Variants in SLCO1A2 observed in about 807,000 individuals in gnomAD.
The protein encoded by SLCO1A2 is solute carrier organic anion transporter family member 1A2.
Under a neutral mutation model 69.0 loss-of-function variants are expected in SLCO1A2, and 67 were observed. The observed-to-expected ratio is 0.97, with a 90% confidence interval of 0.80 to 1.19. SLCO1A2 has a LOEUF of 1.19. SLCO1A2 is among the 50% of genes most tolerant of loss of function. The probability of loss-of-function intolerance (pLI) is 0.00; values close to 1 mark genes in which losing one functional copy is unlikely to be tolerated. For synonymous variants in SLCO1A2, 260 were observed against 265.9 expected (o/e 0.98, Z 0.22); for missense variants, 787 against 793.7 (o/e 0.99, Z 0.10).
intron 12 of SLCO1A2, among the ~76,000 whole-genome samples, chr12:21,281,968 G>A (rs1029049350): frequency 4.2e-4 from 64 of 152,046 alleles, no homozygotes; most frequent in Admixed American, 3.9e-3. Flanking sequence ...TGACCCAATG[G>A]CTTCACTGCC....
intron 1 of SLCO1A2, among the ~76,000 whole-genome samples, chr12:21,382,561 G>A (rs1273099573): frequency 6.6e-6 from 1 of 152,120 alleles, no homozygotes; most frequent in Non-Finnish European, 1.5e-5. Context: ...ACTTTGGGAG[G>A]CCGAGGTGGG....
chr12:21,320,357 CTA>C (rs895554391), intron 2 of SLCO1A2, among the ~76,000 whole-genome samples: 24 of 152,260 alleles, frequency 1.6e-4, no homozygotes, highest in African/African-American at 2.9e-4. Flanking sequence ...TCTAATTTGC[CTA>C]TGTCTTTAGA....
Position 21,378,537 on chromosome 12 carries a change from T to C in SLCO1A2, c.-189-4012A>G, listed in dbSNP as rs1349813141. ...ATATATGGTCTGTGTGTCTGATGTTTGTTGCTAGGACATATACCTTCTCAA... is the reference window on the plus strand; with the variant it reads ...ATATATGGTCTGTGTGTCTGATGTTCGTTGCTAGGACATATACCTTCTCAA... On this transcript the variant is annotated intron_variant, in intron 1 of 15. Transcript: ENST00000307378. 1.4e-5 allele frequency: 13 copies of C among 908,680 alleles called. No individual in the cohort carries two copies. The Admixed American group carries it at 1.7e-4, about 12-fold the overall frequency. The allele number at this position is 908,680 out of a possible 1,614,324, so 56.3% of individuals were successfully genotyped here. A position where few individuals can be genotyped will look rare whatever the true frequency, so the allele number is the denominator to read the frequency against.
At chr12:21,402,772 A>G (rs1941747941) in intron 1 of SLCO1A2, among the ~76,000 whole-genome samples, 1 of 152,132 alleles carries the variant, frequency 6.6e-6, no homozygotes, top group African/African-American at 2.4e-5. Context: ...GTGGGGGAGC[A>G]TATGTGTATA....
chr12:21,290,138 TAAG>T (rs917770125), intron 12 of SLCO1A2, among the ~76,000 whole-genome samples: 2 of 151,950 alleles, frequency 1.3e-5, no homozygotes, highest in East Asian at 1.9e-4. Flanking sequence ...ATATAGTACT[TAAG>T]AAGCAATCTA....
At chr12:21,301,008 A>C (rs1309595419) in intron 7 of SLCO1A2, among the ~76,000 whole-genome samples, 163 bp downstream of exon 7, 4 of 152,194 alleles carry the variant, frequency 2.6e-5, no homozygotes, top group African/African-American at 9.6e-5. Context: ...CTGGTTTGGA[A>C]TATTTTAAAA....
At chr12:21,391,770 C>T (rs1941168124) in intron 1 of SLCO1A2, among the ~76,000 whole-genome samples, 1 of 151,796 alleles carries the variant, frequency 6.6e-6, no homozygotes, top group Admixed American at 6.6e-5. Flanking sequence ...ACCCTCTGGT[C>T]ACTTTTAGTT....
chr12:21,288,509 G>A (rs1946324344), intron 12 of SLCO1A2, among the ~76,000 whole-genome samples: 3 of 152,008 alleles, frequency 2.0e-5, no homozygotes, highest in Non-Finnish European at 4.4e-5. Flanking sequence ...GTTACCAGAG[G>A]CTGGAAAGGG....
chr12:21,330,707 A>G (rs1336248951), intron 2 of SLCO1A2, among the ~76,000 whole-genome samples: 1 of 152,200 alleles, frequency 6.6e-6, no homozygotes, highest in African/African-American at 2.4e-5. Context: ...GAGTAACTCA[A>G]CATTTTTAAT....
intron 2 of SLCO1A2, among the ~76,000 whole-genome samples, chr12:21,367,048 T>A (rs1402105828): frequency 1.3e-5 from 2 of 152,022 alleles, no homozygotes; most frequent in Non-Finnish European, 2.9e-5. Flanking sequence ...CCAAAGCATA[T>A]CAGCCTGAAT....
chr12:21,363,488 A>G (rs567760704), intron 2 of SLCO1A2, among the ~76,000 whole-genome samples: 1 of 152,346 alleles, frequency 6.6e-6, no homozygotes, highest in Non-Finnish European at 1.5e-5. Context: ...TAAAAGAACT[A>G]CAGAAGCAAG....
intron 4 of SLCO1A2, among the ~76,000 whole-genome samples, chr12:21,312,265 C>T (rs1410944759): frequency 6.6e-6 from 1 of 152,162 alleles, no homozygotes; most frequent in Non-Finnish European, 1.5e-5. Flanking sequence ...TTCCTTAAAC[C>T]TCATGAACCC....
At chr12:21,348,434 T>A (rs892514793) in intron 2 of SLCO1A2, among the ~76,000 whole-genome samples, 1 of 152,204 alleles carries the variant, frequency 6.6e-6, no homozygotes, top group Non-Finnish European at 1.5e-5. Context: ...CCTTCTACTA[T>A]CTATGTCCAT....
chr12:21,271,688 T>C (rs1942877056), intron 14 of SLCO1A2, among the ~76,000 whole-genome samples: 1 of 148,464 alleles, frequency 6.7e-6, no homozygotes, highest in Non-Finnish European at 1.5e-5. Context: ...TATGTGTATA[T>C]AAACATATAT....
chr12:21,319,254 C>A, intron 2 of SLCO1A2: 2 of 1,025,128 alleles, frequency 2.0e-6, no homozygotes, highest in South Asian at 1.3e-5. Flanking sequence ...ATCTAAAGTA[C>A]AAAAGAATTC....
chr12:21,286,114 T>C (rs1427905702), intron 12 of SLCO1A2, among the ~76,000 whole-genome samples: 18 of 149,786 alleles, frequency 1.2e-4, no homozygotes, highest in Admixed American at 2.7e-4. Context: ...AAAACCCCAT[T>C]GTCTCAGCCC....
intron 2 of SLCO1A2, chr12:21,373,174 T>C (rs1939923264): frequency 1.6e-6 from 1 of 613,008 alleles, no homozygotes; most frequent in Non-Finnish European, 2.9e-6. Context: ...CGAAATTACT[T>C]GAAAAGTGGA....
At chr12:21,290,702 G>A (rs1044936684) in intron 12 of SLCO1A2, among the ~76,000 whole-genome samples, 5 of 152,096 alleles carry the variant, frequency 3.3e-5, no homozygotes, top group African/African-American at 1.2e-4. Context: ...GGAAAGCCAG[G>A]GGGGAATAAA....
intron 1 of SLCO1A2, among the ~76,000 whole-genome samples, chr12:21,387,025 G>T (rs1591907675): frequency 6.6e-6 from 1 of 152,182 alleles, no homozygotes; most frequent in Non-Finnish European, 1.5e-5. Context: ...TTGGGAACTA[G>T]AGCAAAGGTG....
Sources: gnomAD v4.1 joint callset for allele counts (sites outside exome capture counted in the v4.1 genomes callset) on GRCh38, gnomAD v4.1.1 for gene constraint, MANE v1.5 for transcripts, NCBI Gene and HGNC (gene_info 2026-07-23, HGNC 2026-07-21) for gene names.